Variants in BBS1 observed in about 807,000 individuals in gnomAD.
The protein encoded by BBS1 is BBSome complex member BBS1.
Under a neutral mutation model 73.9 loss-of-function variants are expected in BBS1, and 60 were observed. That is an observed-to-expected ratio of 0.81 (90% CI 0.66 to 1.01). The LOEUF (loss-of-function observed/expected upper bound fraction) is 1.01. Among genes scored for constraint, BBS1 ranks in the 50% least tolerant of loss-of-function variants. The pLI is 0.00. For missense variants in BBS1, 718 were observed against 770.3 expected, an observed-to-expected ratio of 0.93 and a Z score of 0.80; for synonymous variants, 283 against 317.4, an observed-to-expected ratio of 0.89 and a Z score of 1.15.
intron 11 of BBS1, 64 bp from the exon 12 acceptor site, chr11:66,526,059 C>A: frequency 6.8e-7 from 1 of 1,476,766 alleles, no homozygotes; most frequent in Non-Finnish European, 9.5e-7. Context: ...CTCCCCTACC[C>A]ATCCCCTGTC....
At chr11:66,518,580 C>T (rs145491528) in intron 7 of BBS1, among the ~76,000 whole-genome samples, 278 of 152,138 alleles carry the variant, frequency 1.8e-3, no homozygotes, top group African/African-American at 6.3e-3. Context: ...ATTCTCCTGC[C>T]TCAGCCTCCT....
intron 13 of BBS1, chr11:66,529,293 G>A: frequency 5.2e-6 from 8 of 1,535,358 alleles, no homozygotes; most frequent in Non-Finnish European, 7.0e-6. Flanking sequence ...GGACAGGGAG[G>A]CAGTGACGGA....
intron 7 of BBS1, among the ~76,000 whole-genome samples, chr11:66,516,824 T>C (rs1463554201): frequency 1.3e-5 from 2 of 152,202 alleles, no homozygotes; most frequent in African/African-American, 4.8e-5. Flanking sequence ...CCCAAAGTGG[T>C]GCTATTACAG....
At chr11:66,512,374 A>G (rs1456406998) in intron 3 of BBS1, among the ~76,000 whole-genome samples, 1 of 152,148 alleles carries the variant, frequency 6.6e-6, no homozygotes, top group Admixed American at 6.6e-5. Context: ...CACAATGGAT[A>G]TATCATGTGG....
At chr11:66,529,323 T>C in intron 13 of BBS1, 1 of 1,536,118 alleles carries the variant, frequency 6.5e-7, no homozygotes, top group Non-Finnish European at 8.7e-7. Flanking sequence ...ATGAGGCTGG[T>C]TTCCGCAGCA....
intron 13 of BBS1, chr11:66,529,443 G>A: frequency 1.2e-6 from 1 of 840,096 alleles, no homozygotes; most frequent in Non-Finnish European, 2.0e-6. Context: ...TGGACACCAA[G>A]GACTCCTCTT....
intron 13 of BBS1, 92 bp from the exon 14 acceptor site, chr11:66,529,722 ACCCTC>A: frequency 6.8e-7 from 1 of 1,480,506 alleles, no homozygotes; most frequent in Non-Finnish European, 9.3e-7. Flanking sequence ...CTCCTCTTGC[ACCCTC>A]CCCACACCAA....
At chr11:66,527,304 ATCGT>A (rs1036838086) in intron 13 of BBS1, among the ~76,000 whole-genome samples, 2 of 151,950 alleles carry the variant, frequency 1.3e-5, no homozygotes, top group Non-Finnish European at 2.9e-5. Flanking sequence ...TCATTCATTC[ATCGT>A]TCGTTCATTC....
intron 9 of BBS1, chr11:66,521,747 A>C (rs1856229386): frequency 3.2e-6 from 1 of 314,138 alleles, no homozygotes; most frequent in Non-Finnish European, 6.2e-6. Flanking sequence ...CTCTACTAAA[A>C]ATACAAAATT....
chr11:66,514,872 A>G (rs961869535), intron 4 of BBS1, among the ~76,000 whole-genome samples, 194 bp downstream of exon 4: 1 of 151,812 alleles, frequency 6.6e-6, no homozygotes, highest in South Asian at 2.1e-4. Context: ...CTGGAGTGCA[A>G]TGACGTGATC....
chr11:66,513,886 G>A (rs376821853), intron 3 of BBS1, among the ~76,000 whole-genome samples: 1 of 152,262 alleles, frequency 6.6e-6, no homozygotes, highest in East Asian at 1.9e-4. Context: ...AAATGGGCTT[G>A]TGTGGCAGCT....
At position 66,515,878 on chromosome 11, in the gene BBS1, T is replaced by C. The variant is rs750361238; in HGVS notation, c.536T>C (p.Leu179Pro). 6.2e-7 allele frequency: 1 copy of C among 1,614,190 alleles called. No homozygotes were observed. Among genetic ancestry groups the C allele is most frequent in the East Asian group, 2.2e-5 (1 of 44,882 alleles). Residue 179 changes from leucine (L) to proline (P), a missense_variant, in exon 7 of 17, where the codon CTA becomes CCA. Coordinates refer to ENST00000318312, the MANE Select transcript of BBS1 (RefSeq NM_024649.5). ...IQSLRFLQLE[L>P]SEMEAFVNQH... is the part of the protein sequence containing the mutation. Reference sequence around the variant, plus strand: ...GTGTCTAGGTTTCTGCAGCTGGAGCTAAGTGAAATGGAGGCATTTGTAAAC... The same window carrying C: ...GTGTCTAGGTTTCTGCAGCTGGAGCCAAGTGAAATGGAGGCATTTGTAAAC...
At chr11:66,531,229 C>G (rs1294015105) in intron 15 of BBS1, among the ~76,000 whole-genome samples, 1 of 152,160 alleles carries the variant, frequency 6.6e-6, no homozygotes, top group African/African-American at 2.4e-5. Context: ...GCCTCTGCTG[C>G]TTTTCTTGCA....
chr11:66,531,603 G>C, intron 15 of BBS1, 53 bp from the exon 16 acceptor site: 7 of 1,612,740 alleles, frequency 4.3e-6, no homozygotes, highest in Non-Finnish European at 5.9e-6. Context: ...ACTGGAATAT[G>C]CCAAACACTG....
At position 66,526,790 on chromosome 11, in the gene BBS1, A is replaced by T. The variant is rs1299611309; in HGVS notation, c.1322A>T (p.Glu441Val). The T allele has an allele frequency of 2.5e-6, 4 of 1,614,212 alleles. No homozygotes were observed. The highest frequency in any genetic ancestry group is 3.4e-6 in the Non-Finnish European group (4 of 1,180,034). The change falls in exon 13 of 17, where the codon GAG becomes GTG. Residue 441 changes from glutamate to valine, a missense_variant. By Grantham distance (121) the Glu-to-Val change is moderately radical (BLOSUM62 -2). Transcript: ENST00000318312. ...TRLYVDQTLR[E>V]REAGTAMHRA... ...CTTTACGTGGATCAGACACTGCGAG[A>T]GCGGGAGGCTGGCACCGGTGAGCCT...
chr11:66,529,308 G>GT (rs1421391577), intron 13 of BBS1: 2 of 1,536,078 alleles, frequency 1.3e-6, no homozygotes, highest in African/African-American at 2.7e-5. Context: ...GACGGAGGCA[G>GT]GACCATGAGG....
rs1856820723 is a variant in BBS1 at position 66,532,313 on chromosome 11, A to G, written c.*276A>G. 2.0e-5 allele frequency: 10 copies of G among 511,004 alleles called. No homozygotes were observed. The highest frequency in any genetic ancestry group is 3.6e-5 in the Non-Finnish European group (10 of 280,578). The allele number at this position is 511,004 out of a possible 1,614,324, so 31.7% of individuals were successfully genotyped here. On this transcript the variant is annotated 3_prime_UTR_variant, in exon 17 of 17. Transcript: ENST00000318312. ...CTCCCCAGCCTTTTCCAGAAACCAT[A>G]CTGGGCTCAGATCAGAGCTCCGAAG...
In BBS1 at chr11:66,533,086, T is replaced by C. The variant is rs1856848820; in HGVS notation, c.*1049T>C. On this transcript the variant is annotated 3_prime_UTR_variant, in exon 17 of 17. Coordinates refer to ENST00000318312, the MANE Select transcript of BBS1 (RefSeq NM_024649.5). ...CAGCACCTGATGTAAGTTTATATAATGTAATATTATGTACCTACCACTAAG... is the reference window on the plus strand; with the variant it reads ...CAGCACCTGATGTAAGTTTATATAACGTAATATTATGTACCTACCACTAAG... 1 of 152,142 alleles carries C rather than the reference T, an allele frequency of 6.6e-6. No homozygotes were observed. The highest frequency in any genetic ancestry group is 2.1e-4 in the South Asian group (1 of 4,822). The allele number at this position is 152,142 out of a possible 1,614,324, so 9.4% of individuals were successfully genotyped here.
At position 66,519,623 on chromosome 11, in the gene BBS1, A is replaced by G; in HGVS notation, c.598A>G (p.Ile200Val). 1 of 1,613,620 alleles carries G rather than the reference A, an allele frequency of 6.2e-7. No homozygotes were observed. Among genetic ancestry groups the G allele is most frequent in the Non-Finnish European group, 8.5e-7 (1 of 1,179,818 alleles). ...KSNSIKRQTV[I>V]TTMTTLKKNL... ...CCCTGGAGTCCTTCTGTAGACAGTC[A>G]TCACCACCATGACCACCTTGAAGAA... is the stretch of plus-strand genomic sequence containing the variant. The change falls in exon 8 of 17, where the codon ATC (isoleucine) becomes GTC (valine). Residue 200 changes from isoleucine to valine, a missense_variant. By Grantham distance (29) the Ile-to-Val change is conservative. Transcript: ENST00000318312.
Sources: gnomAD v4.1 joint callset for allele counts (sites outside exome capture counted in the v4.1 genomes callset) on GRCh38, gnomAD v4.1.1 for gene constraint, MANE v1.5 for transcripts, NCBI Gene and HGNC (gene_info 2026-07-23, HGNC 2026-07-21) for gene names.